Variants in IGSF21 observed in about 807,000 individuals in gnomAD.
The protein encoded by IGSF21 is immunoglobulin superfamily member 21.
A neutral mutation model predicts 46.8 loss-of-function variants in IGSF21; 28 were observed. The observed-to-expected ratio is 0.60, with a 90% CI of 0.44 to 0.82. The LOEUF is 0.82. Among genes scored for constraint, IGSF21 ranks in the 40% least tolerant of loss-of-function variants. The pLI, the probability that IGSF21 is intolerant of heterozygous loss-of-function variation, is 0.00. For synonymous variants in IGSF21, 284 were observed against 273.6 expected (o/e 1.04, Z -0.38); for missense variants, 624 against 665.5 (o/e 0.94, Z 0.69).
At chr1:18,191,534 A>T (rs1035905306) in intron 1 of IGSF21, among the ~76,000 whole-genome samples, 1 of 152,028 alleles carries the variant, frequency 6.6e-6, no homozygotes. Context: ...ATTCCAGGCA[A>T]AGGGAATGGG....
At chr1:18,208,830 C>CA (rs1193081428) in intron 1 of IGSF21, among the ~76,000 whole-genome samples, 1 of 152,156 alleles carries the variant, frequency 6.6e-6, no homozygotes, top group African/African-American at 2.4e-5. Context: ...AACCAGGACA[C>CA]ATTTTTTTGA....
At chr1:18,319,694 T>G (rs2085581590) in intron 3 of IGSF21, among the ~76,000 whole-genome samples, 1 of 152,226 alleles carries the variant, frequency 6.6e-6, no homozygotes, top group African/African-American at 2.4e-5. Flanking sequence ...TTGTTTCATC[T>G]ATTCTACACC....
chr1:18,242,349 G>A (rs138486478), intron 2 of IGSF21, among the ~76,000 whole-genome samples: 70 of 152,312 alleles, frequency 4.6e-4, no homozygotes, highest in East Asian at 3.9e-3. Context: ...TAGCAAAACC[G>A]TCCACGGCTG....
At chr1:18,241,184 T>G (rs964893560) in intron 2 of IGSF21, among the ~76,000 whole-genome samples, 1 of 152,210 alleles carries the variant, frequency 6.6e-6, no homozygotes, top group African/African-American at 2.4e-5. Flanking sequence ...ACTCCACAAC[T>G]TATGGCCTTA....
intron 1 of IGSF21, among the ~76,000 whole-genome samples, chr1:18,147,155 TC>T (rs2086478072): frequency 6.6e-6 from 1 of 152,222 alleles, no homozygotes; most frequent in Non-Finnish European, 1.5e-5. Context: ...CATCCAGCTC[TC>T]CAGGTGTCCA....
At chr1:18,209,833 T>C (rs1448339548) in intron 1 of IGSF21, among the ~76,000 whole-genome samples, 1 of 152,090 alleles carries the variant, frequency 6.6e-6, no homozygotes, top group Non-Finnish European at 1.5e-5. Flanking sequence ...TCATTTCTTG[T>C]CCCTGGAGAC....
intron 3 of IGSF21, among the ~76,000 whole-genome samples, chr1:18,298,009 G>A (rs1422974139): frequency 2.0e-5 from 3 of 152,142 alleles, no homozygotes; most frequent in South Asian, 2.1e-4. Flanking sequence ...CAGATCTGTA[G>A]TATAAGAAGC....
intron 3 of IGSF21, among the ~76,000 whole-genome samples, chr1:18,314,546 C>G (rs111247371): frequency 7.2e-5 from 11 of 152,310 alleles, no homozygotes; most frequent in African/African-American, 2.6e-4. Flanking sequence ...TCACTTAAAC[C>G]TCATAATAAG....
intron 3 of IGSF21, among the ~76,000 whole-genome samples, chr1:18,299,635 AGGCCC>A (rs2085342603): frequency 6.6e-6 from 1 of 152,220 alleles, no homozygotes; most frequent in East Asian, 1.9e-4. Context: ...CAACAAACAC[AGGCCC>A]TGCCCTTATG....
At chr1:18,147,533 C>T (rs1384780422) in intron 1 of IGSF21, among the ~76,000 whole-genome samples, 1 of 151,988 alleles carries the variant, frequency 6.6e-6, no homozygotes, top group African/African-American at 2.4e-5. Context: ...ATGTCACCTC[C>T]TTCCCCTATT....
intron 2 of IGSF21, among the ~76,000 whole-genome samples, chr1:18,256,466 A>G (rs2084893448): frequency 1.3e-5 from 2 of 152,190 alleles, no homozygotes; most frequent in African/African-American, 4.8e-5. Flanking sequence ...CAGGTCACCC[A>G]GGGAGCCGGC....
intron 3 of IGSF21, among the ~76,000 whole-genome samples, chr1:18,319,865 C>G (rs929736143): frequency 9.2e-5 from 14 of 152,190 alleles, no homozygotes; most frequent in Non-Finnish European, 1.6e-4. Context: ...AATCACCGAC[C>G]TGCTATATTT....
chr1:18,163,383 AG>A (rs2086646048), intron 1 of IGSF21, among the ~76,000 whole-genome samples: 1 of 152,038 alleles, frequency 6.6e-6, no homozygotes, highest in Admixed American at 6.5e-5. Flanking sequence ...AAAGAGAAAG[AG>A]GTGAGAGGGT....
At chr1:18,331,050 G>C (rs1284413296) in intron 3 of IGSF21, among the ~76,000 whole-genome samples, 1 of 152,156 alleles carries the variant, frequency 6.6e-6, no homozygotes, top group African/African-American at 2.4e-5. Flanking sequence ...AATTGATATT[G>C]CTGTTTCATA....
At chr1:18,230,029 A>G (rs948403907) in intron 2 of IGSF21, among the ~76,000 whole-genome samples, 2 of 152,182 alleles carry the variant, frequency 1.3e-5, no homozygotes, top group African/African-American at 2.4e-5. Flanking sequence ...TTGCCTTCCA[A>G]GCTCTTGAAG....
intron 1 of IGSF21, among the ~76,000 whole-genome samples, chr1:18,141,230 GGA>G (rs776943340): frequency 2.0e-5 from 3 of 152,136 alleles, no homozygotes; most frequent in Non-Finnish European, 2.9e-5. Flanking sequence ...ACAGGGAGGA[GGA>G]GAGAGAGAGT....
chr1:18,249,126 G>A (rs1456361194), intron 2 of IGSF21, among the ~76,000 whole-genome samples: 2 of 152,206 alleles, frequency 1.3e-5, no homozygotes, highest in African/African-American at 2.4e-5. Context: ...GCAGGACCCA[G>A]ATCAGGTATT....
At chr1:18,217,223 C>T (rs1258208859) in intron 1 of IGSF21, among the ~76,000 whole-genome samples, 1 of 152,182 alleles carries the variant, frequency 6.6e-6, no homozygotes, top group East Asian at 1.9e-4. Flanking sequence ...GCTGCACTTC[C>T]AGATGCAGAG....
intron 1 of IGSF21, chr1:18,111,814 T>G (rs867592113): frequency 6.6e-6 from 1 of 152,382 alleles, no homozygotes; most frequent in Middle Eastern, 3.4e-3. Context: ...TTCCGCTCCC[T>G]CCTAGTTCTG....
Sources: gnomAD v4.1 joint callset for allele counts (sites outside exome capture counted in the v4.1 genomes callset) on GRCh38, gnomAD v4.1.1 for gene constraint, MANE v1.5 for transcripts, NCBI Gene and HGNC (gene_info 2026-07-23, HGNC 2026-07-21) for gene names.